MRTFB: variants seen among roughly 807,000 people sequenced by gnomAD.
MRTFB encodes myocardin related transcription factor B.
In MRTFB, 29 loss-of-function variants were observed where a neutral mutation model predicts 104.2. That is an observed-to-expected ratio of 0.28 (90% CI 0.21 to 0.38). MRTFB has a LOEUF of 0.38. Ranked by LOEUF, MRTFB falls within the 10% of genes least tolerant of loss-of-function variation. The pLI is 1.00. For missense variants in MRTFB, 1,270 were observed against 1,341.6 expected, an observed-to-expected ratio of 0.95 and a Z score of 0.83; for synonymous variants, 535 against 519.5, an observed-to-expected ratio of 1.03 and a Z score of -0.41.
In MRTFB at chr16:14,261,597, G is replaced by C; in HGVS notation, c.*153G>C. The C allele has an allele frequency of 1.3e-6, 1 of 742,232 alleles. No individual in the cohort carries two copies. 46.0% of individuals were successfully genotyped at this position (742,232 alleles called of 1,614,324 possible). On this transcript the variant is annotated 3_prime_UTR_variant, in exon 17 of 17. Coordinates refer to ENST00000571589, the MANE Select transcript of MRTFB (RefSeq NM_001308142.2). ...TGGAAGGTCATAGCCTGGAACCCAA[G>C]TTTGAAAACATTTCATTGTGTTCAG...
At chr16:14,256,716 A>G (rs1481858841) in intron 15 of MRTFB, among the ~76,000 whole-genome samples, 1 of 152,268 alleles carries the variant, frequency 6.6e-6, no homozygotes, top group Non-Finnish European at 1.5e-5. Context: ...ACCCGAAGCC[A>G]GAACCACCCA....
At chr16:14,259,786 CTAGT>C (rs1182655079) in intron 16 of MRTFB, among the ~76,000 whole-genome samples, 1 of 152,122 alleles carries the variant, frequency 6.6e-6, no homozygotes, top group Non-Finnish European at 1.5e-5. Flanking sequence ...ATAAAAAAGA[CTAGT>C]TACTTAGATG....
intron 3 of MRTFB, among the ~76,000 whole-genome samples, chr16:14,161,548 G>T (rs2039038187): frequency 6.6e-6 from 1 of 152,050 alleles, no homozygotes; most frequent in South Asian, 2.1e-4. Context: ...TTTTTAAATA[G>T]GACACAAATA....
At chr16:14,073,890 C>T (rs538933733) in intron 1 of MRTFB, among the ~76,000 whole-genome samples, 3 of 152,310 alleles carry the variant, frequency 2.0e-5, no homozygotes, top group African/African-American at 7.2e-5. Context: ...TAGCAGTTGT[C>T]TTTTCATTTC....
the MRTFB span, among the ~76,000 whole-genome samples, chr16:14,058,719 T>TG: frequency 7.3e-6 from 1 of 137,146 alleles, no homozygotes; most frequent in African/African-American, 2.7e-5. Flanking sequence ...TTTGTTTTTT[T>TG]TTTTTTTTTT....
At chr16:14,217,025 T>G in intron 6 of MRTFB, 101 bp from the exon 7 acceptor site, 1 of 1,186,126 alleles carries the variant, frequency 8.4e-7, no homozygotes, top group South Asian at 2.1e-5. Context: ...AACACAAAAA[T>G]GTGTCTAAAT....
intron 3 of MRTFB, among the ~76,000 whole-genome samples, chr16:14,209,370 A>G (rs1053572443): frequency 6.6e-6 from 1 of 152,212 alleles, no homozygotes; most frequent in Non-Finnish European, 1.5e-5. Context: ...GTTTGAAACA[A>G]AAATCAAAAT....
rs973984793 is a variant in MRTFB, at chr16:14,247,022, C to T, written c.1762C>T (p.Leu588=). The change falls in exon 12 of 17, where the codon CTG becomes TTG. Residue 588 remains leucine, a synonymous_variant. Transcript: ENST00000571589. ...EKQIEELKRK[L]EQEQKLVEVL... ...GCAAATCGAAGAGCTGAAGAGGAAA[C>T]TGGAACAAGAGCAGAAGCTCGTGGA... The T allele has an allele frequency of 1.9e-6, 3 of 1,614,116 alleles. No homozygotes were observed. Among genetic ancestry groups the T allele is most frequent in the African/African-American group, 2.7e-5 (2 of 74,952 alleles).
the MRTFB span, among the ~76,000 whole-genome samples, chr16:14,017,090 TC>T: frequency 7.2e-6 from 1 of 138,110 alleles, no homozygotes; most frequent in South Asian, 2.3e-4. Flanking sequence ...GGAGTCTCGC[TC>T]TGTTGCCCAG....
chr16:14,248,249 A>T (rs2043107704), intron 12 of MRTFB: 1 of 152,366 alleles, frequency 6.6e-6, no homozygotes, highest in African/African-American at 2.4e-5. Flanking sequence ...ACAAGAAACC[A>T]TTTGAAGCAG....
At chr16:14,237,485 T>C (rs1008204921) in intron 9 of MRTFB, among the ~76,000 whole-genome samples, 2 of 152,170 alleles carry the variant, frequency 1.3e-5, no homozygotes, top group African/African-American at 4.8e-5. Flanking sequence ...TCTGAAAGCT[T>C]AGTTGGAGTG....
rs752125172 is a variant in MRTFB, at chr16:14,140,631, A to G, written c.25A>G (p.Thr9Ala). The change falls in exon 3 of 17, where the codon ACC becomes GCC. Residue 9 changes from threonine to alanine, a missense_variant. Physicochemically the swap from Thr to Ala is moderately conservative, Grantham distance 58. Coordinates refer to ENST00000571589, the MANE Select transcript of MRTFB (RefSeq NM_001308142.2). ...AATGGATCACACAGGGGCGATAGACACCGAGGATGAAGTGGGACCTTTAGC... is the reference window on the plus strand; with the variant it reads ...AATGGATCACACAGGGGCGATAGACGCCGAGGATGAAGTGGGACCTTTAGC... MDHTGAIDTEDEVGPLAHL... is the reference protein window; with the variant it reads MDHTGAIDAEDEVGPLAHL... 19 of 1,614,088 alleles carry G rather than the reference A, an allele frequency of 1.2e-5. No homozygotes were observed. In the South Asian group the frequency reaches 1.8e-4, roughly 15 times the overall value.
At chr16:14,067,949 A>G (rs1032487458), upstream of MRTFB, among the ~76,000 whole-genome samples, 2 of 152,128 alleles carry the variant, frequency 1.3e-5, no homozygotes, top group African/African-American at 4.8e-5. Flanking sequence ...CTTGTGCCTC[A>G]GCATCCCAAG....
chr16:14,128,240 A>G (rs904444778), intron 2 of MRTFB, among the ~76,000 whole-genome samples: 3 of 152,024 alleles, frequency 2.0e-5, no homozygotes, highest in African/African-American at 7.2e-5. Flanking sequence ...ATTTCATAGG[A>G]CATATGTGCC....
At chr16:14,102,569 A>T (rs1198751521) in intron 2 of MRTFB, among the ~76,000 whole-genome samples, 1 of 152,226 alleles carries the variant, frequency 6.6e-6, no homozygotes, top group Non-Finnish European at 1.5e-5. Context: ...TCTAGAGTAA[A>T]TTCAACTCAC....
intron 3 of MRTFB, among the ~76,000 whole-genome samples, chr16:14,156,399 G>C (rs2038830169): frequency 6.6e-6 from 1 of 152,160 alleles, no homozygotes; most frequent in African/African-American, 2.4e-5. Context: ...GACCTTACTG[G>C]AAGTACCAAG....
intron 3 of MRTFB, among the ~76,000 whole-genome samples, chr16:14,185,419 C>T (rs889159336): frequency 2.0e-5 from 3 of 152,166 alleles, no homozygotes; most frequent in Non-Finnish European, 2.9e-5. Context: ...AGGAGGGTCT[C>T]ATCAGGTGCA....
At chr16:14,228,544 C>G (rs1027785945) in intron 8 of MRTFB, among the ~76,000 whole-genome samples, 8 of 151,430 alleles carry the variant, frequency 5.3e-5, no homozygotes, top group Non-Finnish European at 8.8e-5. Context: ...CCACTGCACT[C>G]CAGCCTGGGC....
intron 3 of MRTFB, among the ~76,000 whole-genome samples, chr16:14,205,548 A>G (rs1472122860): frequency 6.6e-6 from 1 of 152,202 alleles, no homozygotes; most frequent in Admixed American, 6.5e-5. Context: ...TTAAACCATG[A>G]TTCTAAATTT....
Sources: allele counts gnomAD v4.1 joint callset (sites outside exome capture counted in the v4.1 genomes callset), GRCh38; gene constraint gnomAD v4.1.1; transcripts MANE v1.5; gene names NCBI Gene and HGNC (gene_info 2026-07-23, HGNC 2026-07-21).